PMP22: variants seen among roughly 807,000 people sequenced by gnomAD.
PMP22 encodes the protein peripheral myelin protein 22, also known as Charcot-Marie-Tooth neuropathy 1A (greatly reduced nerve conduction velocity, hereditary motor sensory neuropathy Ia).
PMP22 carries 2 observed loss-of-function variants against 18.9 expected under a neutral mutation model. The observed-to-expected ratio is 0.11, with a 90% CI of 0.04 to 0.33. PMP22 has a LOEUF of 0.33. Among genes scored for constraint, PMP22 ranks in the 10% least tolerant of loss-of-function variants. PMP22 has a pLI of 1.00. For synonymous variants in PMP22, 95 were observed against 89.2 expected, an observed-to-expected ratio of 1.07 and a Z score of -0.37; for missense variants, 169 against 202.2, an observed-to-expected ratio of 0.84 and a Z score of 1.00.
Position 15,258,777 on chromosome 17 carries a change from T to A in PMP22, c.178+317A>T, listed in dbSNP as rs2150706778. On this transcript the variant is annotated intron_variant, in intron 3 of 4. Coordinates refer to ENST00000312280, the MANE Select transcript of PMP22 (RefSeq NM_000304.4). This position sits in a 1 kb window ranked among gnomAD's most constrained non-coding sequence, Gnocchi z 4.1. ...GTCCCAAGGGGGTCTGCCAAAGGCTTAGCTATCATACCACCTTCACAGCTC... is the reference window on the plus strand; with the variant it reads ...GTCCCAAGGGGGTCTGCCAAAGGCTAAGCTATCATACCACCTTCACAGCTC... 2.5e-6 allele frequency: 1 copy of A among 402,326 alleles called. No individual in the cohort carries two copies. Among genetic ancestry groups the A allele is most frequent in the Admixed American group, 3.6e-5 (1 of 27,908 alleles). 24.9% of individuals were successfully genotyped at this position (402,326 alleles called of 1,614,324 possible).
chr17:15,249,288 G>GCAGGTCCTACCTCAACTT (rs1441629476), intron 3 of PMP22, among the ~76,000 whole-genome samples: 1 of 152,112 alleles, frequency 6.6e-6, no homozygotes, highest in Admixed American at 6.5e-5. Context: ...CATGCAATGT[G>GCAGGTCCTACCTCAACTT]CAGGTCCTAC....
intron 3 of PMP22, among the ~76,000 whole-genome samples, chr17:15,242,947 T>C (rs1461271405): frequency 6.6e-6 from 1 of 151,750 alleles, no homozygotes; most frequent in African/African-American, 2.4e-5. Context: ...TTCCTCGGAT[T>C]AAAAAAAACA....
intron 4 of PMP22, 134 bp from the exon 5 acceptor site, chr17:15,231,214 C>T (rs140832392): frequency 2.2e-6 from 2 of 895,336 alleles, no homozygotes; most frequent in African/African-American, 3.3e-5. Context: ...GCTTCCAGGT[C>T]CAGAATTGAA....
intron 1 of PMP22, among the ~76,000 whole-genome samples, chr17:15,262,206 C>A (rs1414623121): frequency 6.6e-6 from 1 of 152,178 alleles, no homozygotes; most frequent in Non-Finnish European, 1.5e-5. Flanking sequence ...AGCACCATCA[C>A]CCTTGCCCTG....
rs150887507 is a variant in PMP22 at position 15,233,697 on chromosome 17, A to G, written c.320-2617T>C. Among the ~76,000 whole-genome samples the G allele has an allele frequency of 3.8e-3, 579 of 152,322 alleles. 2 individuals carry two copies. Among genetic ancestry groups the G allele is most frequent in the Non-Finnish European group, 5.4e-3 (370 of 68,024 alleles). The stretch of plus-strand genomic sequence containing the variant: ...TGCTCTAGATGTACCAAGATAAGTG[A>G]GACATGGCTCCTACCTTAAGGACTG... On this transcript the variant is annotated intron_variant, in intron 4 of 4. Transcript: ENST00000312280.
chr17:15,241,925 G>C (rs909138379), intron 3 of PMP22, among the ~76,000 whole-genome samples: 1 of 152,142 alleles, frequency 6.6e-6, no homozygotes, highest in Non-Finnish European at 1.5e-5. Flanking sequence ...CATTAAGATA[G>C]TAAGTCTATC....
chr17:15,256,567 G>A (rs1339450527), intron 3 of PMP22, among the ~76,000 whole-genome samples: 1 of 152,146 alleles, frequency 6.6e-6, no homozygotes, highest in Admixed American at 6.5e-5. Context: ...CTTGAACCCA[G>A]GAGGTGGAGG....
intron 4 of PMP22, chr17:15,235,198 G>T (rs1291866993): frequency 8.4e-6 from 6 of 717,212 alleles, no homozygotes; most frequent in Non-Finnish European, 1.6e-5. Context: ...ATAACAAAAA[G>T]AGAGAGAAAG....
chr17:15,242,152 G>A (rs564129260), intron 3 of PMP22, among the ~76,000 whole-genome samples: 1 of 150,264 alleles, frequency 6.7e-6, no homozygotes, highest in Admixed American at 6.7e-5. Context: ...TACTTGGGAG[G>A]TTGAGGCAGA....
chr17:15,255,157 C>A (rs1017545830), intron 3 of PMP22, among the ~76,000 whole-genome samples: 2 of 152,144 alleles, frequency 1.3e-5, no homozygotes, highest in African/African-American at 4.8e-5. Context: ...TAGGGCCCAA[C>A]TGAGCTATTG....
At chr17:15,232,776 C>T (rs1906468747) in intron 4 of PMP22, among the ~76,000 whole-genome samples, 1 of 152,130 alleles carries the variant, frequency 6.6e-6, no homozygotes, top group South Asian at 2.1e-4. Flanking sequence ...AGCTACTCCC[C>T]GATTTCACTG....
chr17:15,262,848 T>C (rs894075977), intron 1 of PMP22, among the ~76,000 whole-genome samples: 1 of 152,004 alleles, frequency 6.6e-6, no homozygotes, highest in Non-Finnish European at 1.5e-5. Flanking sequence ...AGAAACTGGC[T>C]CCTCAGCCCA....
chr17:15,239,703 G>C, intron 3 of PMP22, 92 bp from the exon 4 acceptor site: 5 of 1,236,534 alleles, frequency 4.0e-6, no homozygotes, highest in Non-Finnish European at 5.9e-6. Context: ...CATGACTGCT[G>C]ACAGCACAGT....
intron 3 of PMP22, among the ~76,000 whole-genome samples, chr17:15,241,979 T>G (rs1430425467): frequency 6.6e-6 from 1 of 152,122 alleles, no homozygotes; most frequent in Non-Finnish European, 1.5e-5. Context: ...ACTCATAAGA[T>G]ATGGAATTTT....
intron 4 of PMP22, among the ~76,000 whole-genome samples, chr17:15,237,519 C>T (rs946571781): frequency 1.7e-4 from 26 of 152,286 alleles, no homozygotes; most frequent in African/African-American, 6.0e-4. Context: ...ATACATGGTG[C>T]AAATTTGCAT....
At chr17:15,251,087 G>A (rs189722904) in intron 3 of PMP22, among the ~76,000 whole-genome samples, 51 of 152,162 alleles carry the variant, frequency 3.4e-4, no homozygotes, top group African/African-American at 1.2e-3. Context: ...CCTCTCTCCC[G>A]CATTCCCCAC....
intron 3 of PMP22, among the ~76,000 whole-genome samples, chr17:15,251,229 G>A (rs898166222): frequency 3.3e-5 from 5 of 152,290 alleles, no homozygotes; most frequent in African/African-American, 1.2e-4. Flanking sequence ...GGAAGGAAGA[G>A]GCCTTCCCTG....
chr17:15,255,295 C>T (rs989015570), intron 3 of PMP22, among the ~76,000 whole-genome samples: 37 of 152,168 alleles, frequency 2.4e-4, no homozygotes, highest in Admixed American at 2.6e-4. Context: ...CCCCCAAGGC[C>T]GAATGACTAT....
Position 15,238,471 on chromosome 17 carries a change from C to T in PMP22, c.319+1000G>A, listed in dbSNP as rs549347910. On this transcript the variant is annotated intron_variant, in intron 4 of 4. Coordinates refer to ENST00000312280, the MANE Select transcript of PMP22 (RefSeq NM_000304.4). Reference sequence around the variant, plus strand: ...TACATCCTTTGCCCTCTCAGAGGGTCAGAATTGAGAACATCTCCCAGTACC... The same window carrying T: ...TACATCCTTTGCCCTCTCAGAGGGTTAGAATTGAGAACATCTCCCAGTACC... Among the ~76,000 whole-genome samples, 73 of 152,156 alleles carry T rather than the reference C, an allele frequency of 4.8e-4. 1 individual carries two copies. The highest frequency in any genetic ancestry group is 9.3e-4 in the Non-Finnish European group (63 of 68,042).
Sources: allele counts gnomAD v4.1 joint callset (sites outside exome capture counted in the v4.1 genomes callset), GRCh38; gene constraint gnomAD v4.1.1; non-coding constraint Gnocchi (gnomAD v3.1); transcripts MANE v1.5; gene names NCBI Gene and HGNC (gene_info 2026-07-23, HGNC 2026-07-21).